The following CSMD1 variants were observed in gnomAD, a reference collection of about 807,000 sequenced individuals.
CSMD1 encodes the protein CUB and sushi domain-containing protein 1.
A neutral mutation model predicts 417.5 loss-of-function variants in CSMD1; 213 were observed. The observed-to-expected ratio is 0.51, with a 90% CI of 0.46 to 0.57. The LOEUF (loss-of-function observed/expected upper bound fraction) is 0.57. CSMD1 is among the 20% of genes least tolerant of loss of function. The pLI is 0.00. For missense variants in CSMD1, 6,923 were observed against 4,529.7 expected, an observed-to-expected ratio of 1.53 and a Z score of -15.17; for synonymous variants, 2,862 against 1,736.8, an observed-to-expected ratio of 1.65 and a Z score of -16.11.
intron 1 of CSMD1, among the ~76,000 whole-genome samples, chr8:4,854,934 C>A (rs570223861): frequency 6.6e-6 from 1 of 152,320 alleles, no homozygotes; most frequent in Admixed American, 6.5e-5. Flanking sequence ...GGTCTGCCTG[C>A]CTCTGTAGGC....
chr8:3,568,419 A>T (rs1362941425), intron 10 of CSMD1, among the ~76,000 whole-genome samples: 1 of 152,186 alleles, frequency 6.6e-6, no homozygotes, highest in Non-Finnish European at 1.5e-5. Context: ...GGAAACAAAG[A>T]AAAAGAAAAC....
chr8:4,438,068 C>G (rs1798249640), intron 2 of CSMD1, among the ~76,000 whole-genome samples: 1 of 152,160 alleles, frequency 6.6e-6, no homozygotes, highest in South Asian at 2.1e-4. Context: ...AGCCAATATT[C>G]ACACTCAGCT....
rs1802016936 is a variant in CSMD1 at position 4,859,789 on chromosome 8, GGAACACTTTGACACTGTT to G, written c.85+134525_85+134542del. Among the ~76,000 whole-genome samples, 7 of 152,178 alleles carry G rather than the reference GGAACACTTTGACACTGTT, an allele frequency of 4.6e-5. No individual in the cohort carries two copies. In the South Asian group the frequency reaches 1.5e-3, roughly 32 times the overall value. On this transcript the variant is annotated intron_variant, in intron 1 of 69. Transcript: ENST00000635120. ...GTGCTGGAGAGGATGTGGAGAAATA[GGAACACTTTGACACTGTT>G]GGTGGGACTGTAAACTAGTTCAACC... is the stretch of plus-strand genomic sequence containing the variant.
chr8:4,024,779 A>G (rs1031055803), intron 4 of CSMD1, among the ~76,000 whole-genome samples: 1 of 152,208 alleles, frequency 6.6e-6, no homozygotes. Flanking sequence ...AAACATACGT[A>G]GTTTATGACA....
intron 5 of CSMD1, among the ~76,000 whole-genome samples, chr8:3,978,100 T>G (rs1336079839): frequency 1.3e-5 from 2 of 152,104 alleles, no homozygotes; most frequent in African/African-American, 2.4e-5. Context: ...TGTGAGAAAG[T>G]CTCATGGGGA....
chr8:3,053,003 A>C (rs1257550323), intron 49 of CSMD1, among the ~76,000 whole-genome samples: 2 of 152,140 alleles, frequency 1.3e-5, no homozygotes, highest in African/African-American at 4.8e-5. Context: ...GCTGGTTGCC[A>C]ACTCCCAAAC....
intron 26 of CSMD1, among the ~76,000 whole-genome samples, chr8:3,243,239 C>G (rs1554481720): frequency 1.3e-5 from 2 of 152,030 alleles, no homozygotes; most frequent in Non-Finnish European, 2.9e-5. Context: ...GTAGGTGGAT[C>G]TTTTTCACGG....
At chr8:4,928,919 A>C (rs924600903) in intron 1 of CSMD1, among the ~76,000 whole-genome samples, 17 of 151,992 alleles carry the variant, frequency 1.1e-4, no homozygotes, top group Non-Finnish European at 2.2e-4. Flanking sequence ...AAATATAAAA[A>C]ATTTAGCCAG....
chr8:4,401,601 T>A (rs1214844621), intron 3 of CSMD1, among the ~76,000 whole-genome samples: 1 of 152,122 alleles, frequency 6.6e-6, no homozygotes, highest in African/African-American at 2.4e-5. Flanking sequence ...TCCATCCCTG[T>A]CACCTCGGTC....
At chr8:3,101,383 A>C (rs1336769206) in intron 46 of CSMD1, among the ~76,000 whole-genome samples, 1 of 152,310 alleles carries the variant, frequency 6.6e-6, no homozygotes, top group Admixed American at 6.5e-5. Flanking sequence ...GTTTTTCTAC[A>C]TTAAGATGAG....
chr8:2,963,176 G>A lies in CSMD1; in HGVS notation c.9454+46C>T, dbSNP rs577005869. 3.1e-6 allele frequency: 5 copies of A among 1,599,100 alleles called. No individual in the cohort carries two copies. The African/African-American group carries it at 4.0e-5, about 13-fold the overall frequency. On this transcript the variant is annotated intron_variant, in intron 60 of 69. Transcript: ENST00000635120. Reference sequence around the variant, plus strand: ...GGATGTGCCCTGGTTATCCGTCCCTGTTGCAGACCTGCAGTGGGCGGAACA... The same window carrying A: ...GGATGTGCCCTGGTTATCCGTCCCTATTGCAGACCTGCAGTGGGCGGAACA...
intron 1 of CSMD1, among the ~76,000 whole-genome samples, chr8:4,834,830 G>C (rs958543014): frequency 2.0e-5 from 3 of 150,998 alleles, no homozygotes; most frequent in African/African-American, 7.3e-5. Context: ...GGTGGTGGGC[G>C]CCTGTAATCC....
At chr8:3,991,718 T>A (rs933084713) in intron 5 of CSMD1, among the ~76,000 whole-genome samples, 1 of 152,198 alleles carries the variant, frequency 6.6e-6, no homozygotes, top group Admixed American at 6.5e-5. Context: ...ACTGCTTCCA[T>A]CTTCCTGTTT....
intron 10 of CSMD1, among the ~76,000 whole-genome samples, chr8:3,548,369 T>C (rs1293128910): frequency 6.6e-6 from 1 of 152,096 alleles, no homozygotes; most frequent in Non-Finnish European, 1.5e-5. Context: ...TCAGTGGTGA[T>C]TCGTGAGATT....
chr8:4,094,798 C>T (rs1331397107), intron 3 of CSMD1, among the ~76,000 whole-genome samples: 1 of 152,166 alleles, frequency 6.6e-6, no homozygotes, highest in Non-Finnish European at 1.5e-5. Context: ...ACTGGATAAA[C>T]AGGCCTGCCA....
intron 3 of CSMD1, among the ~76,000 whole-genome samples, chr8:4,223,668 C>T (rs1801178829): frequency 6.6e-6 from 1 of 152,174 alleles, no homozygotes; most frequent in East Asian, 1.9e-4. Flanking sequence ...TGTCTGTGCT[C>T]TTGGAAAAAT....
intron 5 of CSMD1, among the ~76,000 whole-genome samples, chr8:3,984,202 G>C (rs1014490346): frequency 6.9e-6 from 1 of 144,922 alleles, no homozygotes; most frequent in Non-Finnish European, 1.5e-5. Context: ...GACTGCGCTT[G>C]CACCCAGCCA....
chr8:4,703,158 C>T (rs1218775871), intron 1 of CSMD1, among the ~76,000 whole-genome samples: 1 of 152,082 alleles, frequency 6.6e-6, no homozygotes, highest in Non-Finnish European at 1.5e-5. Flanking sequence ...AAGTATGGAT[C>T]TCCATTTAAG....
intron 22 of CSMD1, 70 bp from the exon 23 acceptor site, chr8:3,343,520 C>T (rs1246202250): frequency 3.0e-6 from 4 of 1,325,000 alleles, no homozygotes; most frequent in East Asian, 4.8e-5. Flanking sequence ...TGGTAATAAA[C>T]AATCCAAATC....
Sources: allele counts gnomAD v4.1 joint callset (sites outside exome capture counted in the v4.1 genomes callset), GRCh38; gene constraint gnomAD v4.1.1; transcripts MANE v1.5; gene names NCBI Gene and HGNC (gene_info 2026-07-23, HGNC 2026-07-21).